RGS17: variants seen among roughly 807,000 people sequenced by gnomAD.
RGS17 encodes the protein regulator of G protein signaling 17.
RGS17 carries 12 observed loss-of-function variants against 25.5 expected under a neutral mutation model. That is an observed-to-expected ratio of 0.47 (90% CI 0.30 to 0.76). The LOEUF is 0.76. RGS17 is among the 30% of genes least tolerant of loss of function. The pLI is 0.07. For synonymous variants in RGS17, 71 were observed against 76.9 expected (o/e 0.92, Z 0.40); for missense variants, 196 against 242.2 (o/e 0.81, Z 1.27).
In RGS17 at chr6:153,023,787, G is replaced by A. The variant is rs189838009; in HGVS notation, c.444+475C>T. Among the ~76,000 whole-genome samples, 16 of 152,184 alleles carry A rather than the reference G, an allele frequency of 1.1e-4. No individual in the cohort carries two copies. The East Asian group carries it at 2.3e-3, about 22-fold the overall frequency. Reference sequence around the variant, plus strand: ...ACCTATACCAGAGGTTTTCCAACTAGTATGTATGTGGAAAACTTGTTAAAA... The same window carrying A: ...ACCTATACCAGAGGTTTTCCAACTAATATGTATGTGGAAAACTTGTTAAAA... On this transcript the variant is annotated intron_variant, in intron 4 of 4. Coordinates refer to ENST00000206262, the MANE Select transcript of RGS17 (RefSeq NM_012419.5).
intron 2 of RGS17, among the ~76,000 whole-genome samples, chr6:153,029,012 G>C (rs925223365): frequency 3.9e-5 from 6 of 152,144 alleles, no homozygotes; most frequent in Non-Finnish European, 7.3e-5. Context: ...TCTTCTATCT[G>C]TTTCTGTGAT....
chr6:153,039,757 C>A (rs1290802308), intron 2 of RGS17, among the ~76,000 whole-genome samples: 1 of 152,108 alleles, frequency 6.6e-6, no homozygotes, highest in Non-Finnish European at 1.5e-5. Flanking sequence ...CATTTTGATG[C>A]CCCTCCTTTT....
At chr6:153,110,293 T>G (rs1053483281) in intron 1 of RGS17, among the ~76,000 whole-genome samples, 11 of 152,268 alleles carry the variant, frequency 7.2e-5, no homozygotes, top group African/African-American at 1.9e-4. Flanking sequence ...TCTCCAGTCT[T>G]TCCTTTCCTG....
chr6:153,022,439 T>C (rs1046275267), intron 4 of RGS17, among the ~76,000 whole-genome samples: 2 of 151,908 alleles, frequency 1.3e-5, no homozygotes, highest in Non-Finnish European at 2.9e-5. Flanking sequence ...ACTGTAAAAA[T>C]AAGGGACATA....
chr6:153,024,950 T>C (rs937410391), intron 3 of RGS17, among the ~76,000 whole-genome samples: 2 of 152,150 alleles, frequency 1.3e-5, no homozygotes, highest in Non-Finnish European at 2.9e-5. Flanking sequence ...GGCCATTTTT[T>C]TCATCTGTCA....
At chr6:153,062,378 G>A (rs1776651570) in intron 1 of RGS17, among the ~76,000 whole-genome samples, 1 of 152,128 alleles carries the variant, frequency 6.6e-6, no homozygotes, top group Admixed American at 6.6e-5. Context: ...TGTACTGTTA[G>A]AGAAGAAGGG....
rs1451858627 is a variant in RGS17, at chr6:153,004,946, TA to T, written c.*6627del. On this transcript the variant is annotated 3_prime_UTR_variant, in exon 5 of 5. Transcript: ENST00000206262. ...TATAGATTAAGTGTGATGAACATGGTAGTAAAAAATTATACACATTCGATAT... is the reference window on the plus strand; with the variant it reads ...TATAGATTAAGTGTGATGAACATGGTGTAAAAAATTATACACATTCGATAT... 2 of 152,192 alleles carry T rather than the reference TA, an allele frequency of 1.3e-5. No homozygotes were observed. Among genetic ancestry groups the T allele is most frequent in the East Asian group, 3.8e-4 (2 of 5,202 alleles). 9.4% of individuals were successfully genotyped at this position (152,192 alleles called of 1,614,324 possible). A position where few individuals can be genotyped will look rare whatever the true frequency, so the allele number is the denominator to read the frequency against.
In RGS17 at chr6:153,053,979, ATATATG is replaced by A. The variant is rs1776504555; in HGVS notation, c.-25-9942_-25-9937del. Among the ~76,000 whole-genome samples the A allele has an allele frequency of 1.6e-4, 6 of 38,124 alleles. 2 individuals are homozygous for A. Among genetic ancestry groups the A allele is most frequent in the Non-Finnish European group, 9.0e-5 (2 of 22,340 alleles). The allele number at this position is 38,124 out of a possible 152,430, so 25.0% of individuals were successfully genotyped here. On this transcript the variant is annotated intron_variant, in intron 1 of 4. Transcript: ENST00000206262. The stretch of plus-strand genomic sequence containing the variant: ...ATATATATTATATACATATATATGT[ATATATG>A]TATATAATATATATACATATATACG...
intron 1 of RGS17, among the ~76,000 whole-genome samples, chr6:153,084,376 G>T (rs747830439): frequency 6.6e-6 from 1 of 152,134 alleles, no homozygotes; most frequent in Non-Finnish European, 1.5e-5. Context: ...AAAACCAACT[G>T]ACATAGAAAT....
chr6:153,044,356 A>G (rs1293509315), intron 1 of RGS17, among the ~76,000 whole-genome samples: 1 of 152,240 alleles, frequency 6.6e-6, no homozygotes, highest in African/African-American at 2.4e-5. Context: ...TTCTTTACTC[A>G]AGAATGATTA....
At chr6:153,120,596 C>T (rs910589836) in intron 1 of RGS17, among the ~76,000 whole-genome samples, 1 of 152,186 alleles carries the variant, frequency 6.6e-6, no homozygotes, top group Non-Finnish European at 1.5e-5. Flanking sequence ...GATGAAGCGC[C>T]TGTCCCATAG....
At chr6:153,025,701 C>CAT (rs34917398) in intron 3 of RGS17, among the ~76,000 whole-genome samples, 7 of 144,456 alleles carry the variant, frequency 4.8e-5, no homozygotes, top group East Asian at 2.0e-4. Context: ...TATATAAAAA[C>CAT]ATATATATAT....
At chr6:153,030,746 G>C (rs978220613) in intron 2 of RGS17, among the ~76,000 whole-genome samples, 1 of 152,158 alleles carries the variant, frequency 6.6e-6, no homozygotes, top group Non-Finnish European at 1.5e-5. Context: ...CAATACTTTA[G>C]TAATGTGTAT....
At chr6:153,070,817 AT>A (rs1390457949) in intron 1 of RGS17, among the ~76,000 whole-genome samples, 1 of 151,082 alleles carries the variant, frequency 6.6e-6, no homozygotes, top group Non-Finnish European at 1.5e-5. Flanking sequence ...ACACATATAC[AT>A]ATACATATAT....
intron 2 of RGS17, among the ~76,000 whole-genome samples, chr6:153,043,487 T>TAA (rs766892546): frequency 0.2 from 27,463 of 135,270 alleles, 3,007 homozygotes; most frequent in Non-Finnish European, 0.27. Flanking sequence ...AGCAGAGAAC[T>TAA]AAAAAAAAAA....
At chr6:153,104,827 A>AAAAAAAAAAAAG (rs1554244372) in intron 1 of RGS17, among the ~76,000 whole-genome samples, 2 of 151,348 alleles carry the variant, frequency 1.3e-5, no homozygotes, top group African/African-American at 4.9e-5. Flanking sequence ...TTGTCTCAAA[A>AAAAAAAAAAAAG]AAAAAAAAAA....
In RGS17 at chr6:153,037,171, AACACACACACAC is replaced by A. The variant is rs61117365; in HGVS notation, c.119+6717_119+6728del. 4.9e-3 allele frequency among the ~76,000 whole-genome samples: 712 copies of A among 145,350 alleles called. 2 individuals are homozygous for A. Among genetic ancestry groups the A allele is most frequent in the Non-Finnish European group, 8.3e-3 (554 of 66,512 alleles). ...TACTAATTGGTAGTACTACCTTTAA[AACACACACACAC>A]ACACACACACACACACAGACACACA... On this transcript the variant is annotated intron_variant, in intron 2 of 4. Coordinates refer to ENST00000206262, the MANE Select transcript of RGS17 (RefSeq NM_012419.5).
At chr6:153,105,014 G>C (rs183496721) in intron 1 of RGS17, among the ~76,000 whole-genome samples, 1 of 152,174 alleles carries the variant, frequency 6.6e-6, no homozygotes. Flanking sequence ...TGGATGGCCA[G>C]AGCAGAATCA....
At chr6:153,088,559 G>A (rs541689823) in intron 1 of RGS17, among the ~76,000 whole-genome samples, 22 of 152,042 alleles carry the variant, frequency 1.4e-4, no homozygotes, top group Middle Eastern at 3.4e-3. Flanking sequence ...TTTTATAAGC[G>A]AGATATTTGG....
Sources: gnomAD v4.1 joint callset for allele counts (sites outside exome capture counted in the v4.1 genomes callset) on GRCh38, gnomAD v4.1.1 for gene constraint, MANE v1.5 for transcripts, NCBI Gene and HGNC (gene_info 2026-07-23, HGNC 2026-07-21) for gene names.